The following TTC29 variants were observed in gnomAD, a reference collection of about 807,000 sequenced individuals.
TTC29 encodes tetratricopeptide repeat protein 29.
Under a neutral mutation model 58.1 loss-of-function variants are expected in TTC29, and 49 were observed. That is an observed-to-expected ratio of 0.84 (90% CI 0.67 to 1.07). The LOEUF is 1.07. TTC29 is among the 50% of genes least tolerant of loss of function. The pLI, the probability that TTC29 is intolerant of heterozygous loss-of-function variation, is 0.00. For synonymous variants in TTC29, 209 were observed against 196.8 expected (o/e 1.06, Z -0.52); for missense variants, 582 against 555.6 (o/e 1.05, Z -0.48).
intron 5 of TTC29, among the ~76,000 whole-genome samples, chr4:146,906,362 G>A (rs1733521405): frequency 6.6e-6 from 1 of 152,144 alleles, no homozygotes; most frequent in Admixed American, 6.5e-5. Flanking sequence ...TAATGCCATA[G>A]CTTTGATTAA....
At chr4:146,839,870 A>T (rs1728744424) in intron 8 of TTC29, among the ~76,000 whole-genome samples, 1 of 151,926 alleles carries the variant, frequency 6.6e-6, no homozygotes, top group Admixed American at 6.6e-5. Context: ...CAGCTAAGTG[A>T]TAGAAAAAAA....
chr4:146,738,106 C>T (rs576151210), intron 11 of TTC29, among the ~76,000 whole-genome samples: 4 of 152,148 alleles, frequency 2.6e-5, no homozygotes, highest in South Asian at 2.1e-4. Context: ...ATGGACTGAG[C>T]GGGAGGCACT....
intron 4 of TTC29, among the ~76,000 whole-genome samples, chr4:146,933,130 G>A (rs1322455346): frequency 6.6e-6 from 1 of 151,878 alleles, no homozygotes; most frequent in Non-Finnish European, 1.5e-5. Context: ...ATATAGTAAT[G>A]AACAGTCCTA....
Position 146,909,114 on chromosome 4 carries a change from G to C in TTC29, c.312C>G (p.Phe104Leu). ...GCTCCTCCAGGGGCTTCTGCAGCCAGAAGAGGGACCTGACTCTCGCAGCCT... is the reference window on the plus strand; with the variant it reads ...GCTCCTCCAGGGGCTTCTGCAGCCACAAGAGGGACCTGACTCTCGCAGCCT... Reference protein sequence around the residue: ...LREAARVRSLFWLQKPLEEQP... With the variant: ...LREAARVRSLLWLQKPLEEQP... Residue 104 changes from phenylalanine (F) to leucine (L), a missense_variant, in exon 5 of 13, where the codon TTC (phenylalanine) becomes TTG (leucine). Physicochemically the swap from Phe to Leu is conservative, Grantham distance 22 (BLOSUM62 0). Transcript: ENST00000325106. 1 of 1,613,628 alleles carries C rather than the reference G, an allele frequency of 6.2e-7. No homozygotes were observed. Among genetic ancestry groups the C allele is most frequent in the Non-Finnish European group, 8.5e-7 (1 of 1,179,800 alleles).
chr4:146,825,799 A>G (rs1011376685), intron 9 of TTC29, among the ~76,000 whole-genome samples: 1 of 152,210 alleles, frequency 6.6e-6, no homozygotes, highest in Non-Finnish European at 1.5e-5. Context: ...CATTGGGTGC[A>G]TATATATTTA....
At chr4:146,935,430 T>G (rs866164294) in intron 4 of TTC29, among the ~76,000 whole-genome samples, 2 of 152,196 alleles carry the variant, frequency 1.3e-5, no homozygotes, top group South Asian at 2.1e-4. Context: ...TCTTAGACAT[T>G]GTTTTTGCCT....
At chr4:146,824,551 C>A (rs1727630981) in intron 9 of TTC29, among the ~76,000 whole-genome samples, 1 of 125,446 alleles carries the variant, frequency 8.0e-6, no homozygotes, top group African/African-American at 3.6e-5. Flanking sequence ...GGGATATTGG[C>A]CTGAAATTTT....
intron 11 of TTC29, among the ~76,000 whole-genome samples, chr4:146,721,012 G>A (rs77710319): frequency 0.027 from 4,155 of 152,124 alleles, 87 homozygotes; most frequent in South Asian, 0.046. Context: ...GGCTGAGGAG[G>A]GGCATGGGAA....
Position 146,937,591 on chromosome 4 carries a change from T to TA in TTC29, c.176+2dup. On this transcript the variant is annotated splice_region_variant and intron_variant, in intron 4 of 12. Transcript: ENST00000325106. ...TTAAAGTACCTTTAAAGGTTGTACT[T>TA]ACGCAGCAACTTCCTCTTTTGATAA... is the stretch of plus-strand genomic sequence containing the variant. 3 of 1,507,904 alleles carry TA rather than the reference T, an allele frequency of 2.0e-6. No homozygotes were observed. The highest frequency in any genetic ancestry group is 2.7e-6 in the Non-Finnish European group (3 of 1,117,550). The allele number at this position is 1,507,904 out of a possible 1,614,324, so 93.4% of individuals were successfully genotyped here.
intron 6 of TTC29, among the ~76,000 whole-genome samples, chr4:146,876,978 G>A (rs1731305455): frequency 1.3e-5 from 2 of 149,654 alleles, no homozygotes; most frequent in African/African-American, 4.9e-5. Flanking sequence ...GACATGGACA[G>A]TCTAAGTCCT....
chr4:146,715,001 T>TA (rs1024731628), intron 11 of TTC29, among the ~76,000 whole-genome samples: 196 of 147,306 alleles, frequency 1.3e-3, no homozygotes, highest in African/African-American at 3.6e-3. Context: ...TCTGGCTAAT[T>TA]AAAAAAAAAA....
intron 11 of TTC29, among the ~76,000 whole-genome samples, chr4:146,744,232 G>A (rs1374051690): frequency 6.6e-6 from 1 of 152,096 alleles, no homozygotes; most frequent in Non-Finnish European, 1.5e-5. Flanking sequence ...GTGTAAGAGA[G>A]AGAGAGAGGG....
intron 8 of TTC29, among the ~76,000 whole-genome samples, chr4:146,844,045 T>C (rs1338549976): frequency 6.6e-6 from 1 of 152,188 alleles, no homozygotes; most frequent in Non-Finnish European, 1.5e-5. Flanking sequence ...TGTTTTACAG[T>C]CAGAAGTTTT....
At chr4:146,936,667 T>A (rs1735847979) in intron 4 of TTC29, among the ~76,000 whole-genome samples, 1 of 152,096 alleles carries the variant, frequency 6.6e-6, no homozygotes, top group Non-Finnish European at 1.5e-5. Flanking sequence ...GACTGTGTTT[T>A]TCCATGTTAT....
intron 8 of TTC29, among the ~76,000 whole-genome samples, chr4:146,835,337 T>G (rs990497438): frequency 6.6e-6 from 1 of 152,178 alleles, no homozygotes; most frequent in African/African-American, 2.4e-5. Flanking sequence ...TGATATGAAT[T>G]GACGTAGACC....
At chr4:146,712,494 C>T (rs1742577300) in intron 11 of TTC29, among the ~76,000 whole-genome samples, 1 of 152,068 alleles carries the variant, frequency 6.6e-6, no homozygotes. Flanking sequence ...GGGATGCAGG[C>T]TGTGATCCTG....
intron 5 of TTC29, among the ~76,000 whole-genome samples, chr4:146,905,860 C>T (rs190347327): frequency 3.3e-5 from 5 of 152,244 alleles, no homozygotes; most frequent in East Asian, 3.9e-4. Flanking sequence ...GTTAGTTCAC[C>T]GGGTATTTCT....
chr4:146,843,190 A>C (rs10026707), intron 8 of TTC29, among the ~76,000 whole-genome samples: 7,026 of 151,080 alleles, frequency 0.047, 244 homozygotes, highest in East Asian at 0.13. Flanking sequence ...GTGGCCCCAC[A>C]TCACTTAAAG....
At chr4:146,815,717 T>C (rs1751354114) in intron 10 of TTC29, among the ~76,000 whole-genome samples, 1 of 152,172 alleles carries the variant, frequency 6.6e-6, no homozygotes, top group African/African-American at 2.4e-5. Flanking sequence ...ATAAGTTCAG[T>C]TTTTAGTACA....
Sources: allele counts gnomAD v4.1 joint callset (sites outside exome capture counted in the v4.1 genomes callset), GRCh38; gene constraint gnomAD v4.1.1; transcripts MANE v1.5; gene names NCBI Gene and HGNC (gene_info 2026-07-23, HGNC 2026-07-21).